Variants in SIPA1L2 observed in about 807,000 individuals in gnomAD.
SIPA1L2 encodes the protein signal-induced proliferation-associated 1-like protein 2.
Under a neutral mutation model 163.9 loss-of-function variants are expected in SIPA1L2, and 56 were observed. That is an observed-to-expected ratio of 0.34 (90% CI 0.28 to 0.43). SIPA1L2 has a LOEUF of 0.43. Ranked by LOEUF, SIPA1L2 falls within the 20% of genes least tolerant of loss-of-function variation. The pLI is 1.00. For synonymous variants in SIPA1L2, 877 were observed against 865.7 expected (o/e 1.01, Z -0.23); for missense variants, 1,974 against 2,193.5 (o/e 0.90, Z 2.00).
chr1:232,583,685 T>A (rs3855982), intron 1 of SIPA1L2, among the ~76,000 whole-genome samples: 2 of 152,000 alleles, frequency 1.3e-5, no homozygotes, highest in Non-Finnish European at 2.9e-5. Context: ...TATTCTCTAT[T>A]TTAAGGACAG....
intron 1 of SIPA1L2, among the ~76,000 whole-genome samples, chr1:232,582,314 T>C (rs982283137): frequency 9.9e-5 from 15 of 152,100 alleles, no homozygotes; most frequent in Admixed American, 7.9e-4. Context: ...CCTCCCTCCC[T>C]TCCTCCCTCT....
intron 1 of SIPA1L2, among the ~76,000 whole-genome samples, chr1:232,593,983 T>C (rs899732342): frequency 6.6e-6 from 1 of 152,220 alleles, no homozygotes. Context: ...AGCTGGCTCC[T>C]GCCCTCCTGC....
intron 17 of SIPA1L2, among the ~76,000 whole-genome samples, chr1:232,427,746 A>T (rs1042911468): frequency 6.6e-6 from 1 of 152,250 alleles, no homozygotes; most frequent in East Asian, 1.9e-4. Context: ...TGACAAAGGT[A>T]TGCCACTGAA....
At chr1:232,461,285 C>T (rs1664222846) in intron 9 of SIPA1L2, 124 bp from the exon 10 acceptor site, 14 of 1,196,064 alleles carry the variant, frequency 1.2e-5, no homozygotes, top group Non-Finnish European at 1.4e-5. Context: ...CCCAGCCTGT[C>T]TCTCTCTGCC....
At chr1:232,568,247 C>G (rs972817538) in intron 2 of SIPA1L2, among the ~76,000 whole-genome samples, 4 of 152,220 alleles carry the variant, frequency 2.6e-5, no homozygotes, top group African/African-American at 9.6e-5. Flanking sequence ...GCACATGAAG[C>G]AGCAGAGAAA....
rs1380382595 is a variant in SIPA1L2, at chr1:232,425,580, C to G, written c.4630+9G>C. The G allele has an allele frequency of 6.4e-7, 1 of 1,560,210 alleles. No homozygotes were observed. The highest frequency in any genetic ancestry group is 8.7e-7 in the Non-Finnish European group (1 of 1,148,310). The stretch of plus-strand genomic sequence containing the variant: ...GCGCTGGCCAGGGAGCAGCCAGCCC[C>G]TCACTTACTTCTCAGGCTCCCCATG... On this transcript the variant is annotated intron_variant, in intron 18 of 22. Coordinates refer to ENST00000674635, the MANE Select transcript of SIPA1L2 (RefSeq NM_020808.5).
At chr1:232,470,336 C>T (rs1207453102) in intron 8 of SIPA1L2, among the ~76,000 whole-genome samples, 4 of 152,126 alleles carry the variant, frequency 2.6e-5, no homozygotes, top group Admixed American at 2.6e-4. Context: ...ACAGTAGAGC[C>T]ATAGACTAGG....
intron 2 of SIPA1L2, among the ~76,000 whole-genome samples, chr1:232,565,525 T>C (rs1262962461): frequency 6.6e-6 from 1 of 152,214 alleles, no homozygotes; most frequent in Non-Finnish European, 1.5e-5. Context: ...GAGGAGCTGC[T>C]TTATACAAAT....
intron 6 of SIPA1L2, among the ~76,000 whole-genome samples, chr1:232,481,578 A>G (rs971509255): frequency 3.3e-5 from 5 of 152,250 alleles, no homozygotes; most frequent in Admixed American, 6.5e-5. Flanking sequence ...GTCAAACATC[A>G]GCAAGGTAAT....
At chr1:232,577,314 G>T (rs1176963246) in intron 1 of SIPA1L2, among the ~76,000 whole-genome samples, 1 of 152,132 alleles carries the variant, frequency 6.6e-6, no homozygotes, top group South Asian at 2.1e-4. Context: ...CAGAAAAAAA[G>T]ATTCCTTTCA....
At chr1:232,501,050 A>ATTTTTTGTTTTTTTTTTT (rs1666447194) in intron 3 of SIPA1L2, among the ~76,000 whole-genome samples, 1 of 78,450 alleles carries the variant, frequency 1.3e-5, no homozygotes, top group Non-Finnish European at 2.3e-5. Flanking sequence ...GCAATGAAGT[A>ATTTTTTGTTTTTTTTTTT]TTTTTTTTTT....
intron 7 of SIPA1L2, among the ~76,000 whole-genome samples, chr1:232,476,617 G>C (rs1308162557): frequency 6.6e-6 from 1 of 152,158 alleles, no homozygotes; most frequent in Non-Finnish European, 1.5e-5. Flanking sequence ...GATGCAGAGA[G>C]ACTTGCAGGA....
At chr1:232,559,941 T>TA (rs1405379461) in intron 2 of SIPA1L2, among the ~76,000 whole-genome samples, 4 of 152,010 alleles carry the variant, frequency 2.6e-5, no homozygotes, top group Non-Finnish European at 5.9e-5. Context: ...TCACAAAGAG[T>TA]AATAATACCT....
At position 232,446,909 on chromosome 1, in the gene SIPA1L2, A is replaced by G. The variant is rs1663250726; in HGVS notation, c.3096-1123T>C. ...CTGAAATGGACTTGTGTTTGGAGGAACACAGTGATTTCATTTTCATTAATT... is the reference window on the plus strand; with the variant it reads ...CTGAAATGGACTTGTGTTTGGAGGAGCACAGTGATTTCATTTTCATTAATT... On this transcript the variant is annotated intron_variant, in intron 10 of 22. Transcript: ENST00000674635. 2.0e-5 allele frequency among the ~76,000 whole-genome samples: 3 copies of G among 152,232 alleles called. No homozygotes were observed. The South Asian group carries it at 6.2e-4, about 31-fold the overall frequency.
chr1:232,592,397 T>G (rs1264879983), intron 1 of SIPA1L2, among the ~76,000 whole-genome samples: 2 of 152,250 alleles, frequency 1.3e-5, no homozygotes, highest in African/African-American at 2.4e-5. Flanking sequence ...ACCTGCCACT[T>G]GGTTTGCAAA....
intron 2 of SIPA1L2, among the ~76,000 whole-genome samples, chr1:232,548,216 G>A (rs1239632280): frequency 1.3e-5 from 2 of 152,150 alleles, no homozygotes; most frequent in Non-Finnish European, 2.9e-5. Context: ...AATCTCCAAG[G>A]GTTCTAATGG....
chr1:232,604,768 T>C (rs1316765446), intron 1 of SIPA1L2, among the ~76,000 whole-genome samples: 5 of 152,010 alleles, frequency 3.3e-5, no homozygotes, highest in Non-Finnish European at 5.9e-5. Context: ...CATGATGGAG[T>C]TCTCAGGAGA....
chr1:232,518,369 A>G (rs993479942), intron 2 of SIPA1L2, among the ~76,000 whole-genome samples: 2 of 152,146 alleles, frequency 1.3e-5, no homozygotes, highest in Non-Finnish European at 2.9e-5. Flanking sequence ...ACACGTGGCC[A>G]GTTAAGAATA....
chr1:232,428,316 G>A, intron 17 of SIPA1L2, 95 bp downstream of exon 17: 1 of 1,101,642 alleles, frequency 9.1e-7, no homozygotes, highest in Non-Finnish European at 1.2e-6. Context: ...TGAAGCATGT[G>A]GGAGTACTCT....
Sources: allele counts gnomAD v4.1 joint callset (sites outside exome capture counted in the v4.1 genomes callset), GRCh38; gene constraint gnomAD v4.1.1; transcripts MANE v1.5; gene names NCBI Gene and HGNC (gene_info 2026-07-23, HGNC 2026-07-21).